MALRD1: variants seen among roughly 807,000 people sequenced by gnomAD.
MALRD1 encodes MAM and LDL receptor class A domain containing 1, also known as MAM and LDL-receptor class A domain-containing protein 1.
In MALRD1, 247 loss-of-function variants were observed where a neutral mutation model predicts 242.1. The ratio of observed to expected loss-of-function variants is 1.02; its 90% CI spans 0.92 to 1.13. The LOEUF (loss-of-function observed/expected upper bound fraction) is 1.13. MALRD1 is among the 50% of genes most tolerant of loss of function. The pLI, the probability that MALRD1 is intolerant of heterozygous loss-of-function variation, is 0.00. For missense variants in MALRD1, 2,989 were observed against 2,533.1 expected, an observed-to-expected ratio of 1.18 and a Z score of -3.86; for synonymous variants, 995 against 866.6, an observed-to-expected ratio of 1.15 and a Z score of -2.60.
Position 19,434,041 on chromosome 10 carries a change from G to A in MALRD1, c.4846-16266G>A, listed in dbSNP as rs536887810. ...AGAGAAAGACTGGTATGGTAAAAAC[G>A]AAAATGATTACTAAGTATGCTTTCT... On this transcript the variant is annotated intron_variant, in intron 28 of 39. Coordinates refer to ENST00000454679, the MANE Select transcript of MALRD1 (RefSeq NM_001142308.3). Among the ~76,000 whole-genome samples the A allele has an allele frequency of 5.9e-5, 9 of 152,148 alleles. No individual in the cohort carries two copies. In the East Asian group the frequency reaches 1.5e-3, roughly 26 times the overall value.
intron 32 of MALRD1, among the ~76,000 whole-genome samples, chr10:19,531,608 A>G (rs1310746524): frequency 6.6e-6 from 1 of 152,154 alleles, no homozygotes; most frequent in Non-Finnish European, 1.5e-5. Flanking sequence ...TTATCTGGAG[A>G]TAAAAGAGTT....
At chr10:19,425,737 C>G (rs933125473) in intron 28 of MALRD1, among the ~76,000 whole-genome samples, 2 of 152,132 alleles carry the variant, frequency 1.3e-5, no homozygotes, top group Non-Finnish European at 2.9e-5. Flanking sequence ...GACTCCATTT[C>G]TTGATAGAAC....
chr10:19,047,375 T>C (rs1449999498), upstream of MALRD1, among the ~76,000 whole-genome samples: 1 of 151,840 alleles, frequency 6.6e-6, no homozygotes. Context: ...TGTGTGTGTG[T>C]GTGTGTGTGT....
Position 19,209,462 on chromosome 10 carries a change from A to C in MALRD1, c.2773A>C (p.Ser925Arg). The change falls in exon 18 of 40, where the codon AGT (serine) becomes CGT (arginine). Residue 925 changes from serine to arginine, a missense_variant. Physicochemically the swap from Ser to Arg is moderately radical, Grantham distance 110 (BLOSUM62 -1). Coordinates refer to ENST00000454679, the MANE Select transcript of MALRD1 (RefSeq NM_001142308.3). Reference protein sequence around the residue: ...ESSEPQAFQDSAALLSPILNA... With the variant: ...ESSEPQAFQDRAALLSPILNA... ...TTCAGAGCCACAGGCTTTTCAAGACAGTGCTGCCTTACTCAGCCCAATCCT... is the reference window on the plus strand; with the variant it reads ...TTCAGAGCCACAGGCTTTTCAAGACCGTGCTGCCTTACTCAGCCCAATCCT... 1 of 1,550,914 alleles carries C rather than the reference A, an allele frequency of 6.4e-7. No individual in the cohort carries two copies. The highest frequency in any genetic ancestry group is 8.7e-7 in the Non-Finnish European group (1 of 1,147,050).
At chr10:19,382,645 C>T (rs1845888021) in intron 26 of MALRD1, among the ~76,000 whole-genome samples, 1 of 151,974 alleles carries the variant, frequency 6.6e-6, no homozygotes, top group South Asian at 2.1e-4. Flanking sequence ...GGTCTTGATC[C>T]GGGCTTTCTT....
intron 21 of MALRD1, among the ~76,000 whole-genome samples, chr10:19,313,403 A>G (rs1044621468): frequency 6.6e-6 from 1 of 151,492 alleles, no homozygotes; most frequent in Non-Finnish European, 1.5e-5. Context: ...ATTTTCATAC[A>G]TCTCAGATGT....
chr10:19,329,390 A>G (rs1843266275), intron 23 of MALRD1, among the ~76,000 whole-genome samples: 1 of 145,128 alleles, frequency 6.9e-6, no homozygotes, highest in Non-Finnish European at 1.5e-5. Flanking sequence ...ATCACTGGGA[A>G]GCTTGTATAA....
At chr10:19,283,924 C>T (rs1253960993) in intron 21 of MALRD1, among the ~76,000 whole-genome samples, 3 of 152,272 alleles carry the variant, frequency 2.0e-5, no homozygotes, top group Non-Finnish European at 4.4e-5. Flanking sequence ...TCCTTGCTCT[C>T]ATTAGGGAGA....
intron 19 of MALRD1, among the ~76,000 whole-genome samples, chr10:19,276,296 T>TTA (rs10602550): frequency 8.2e-4 from 124 of 151,040 alleles, no homozygotes; most frequent in East Asian, 7.8e-3. Flanking sequence ...TGCATTTTAA[T>TTA]TATATATATA....
At chr10:19,177,922 G>T (rs1273386112) in intron 14 of MALRD1, among the ~76,000 whole-genome samples, 1 of 152,054 alleles carries the variant, frequency 6.6e-6, no homozygotes, top group Admixed American at 6.5e-5. Flanking sequence ...AGATAAGCCA[G>T]ATAATTTGTT....
chr10:19,692,948 A>T (rs1455955802), intron 38 of MALRD1, among the ~76,000 whole-genome samples: 1 of 150,818 alleles, frequency 6.6e-6, no homozygotes, highest in Non-Finnish European at 1.5e-5. Flanking sequence ...GTAATCCAGC[A>T]TATAAACAGA....
chr10:19,225,105 A>G (rs990796794), intron 18 of MALRD1, among the ~76,000 whole-genome samples: 1 of 152,066 alleles, frequency 6.6e-6, no homozygotes, highest in African/African-American at 2.4e-5. Flanking sequence ...ATCTTTCCCC[A>G]TTGTTTGTTT....
At chr10:19,138,535 C>T (rs2131418804) in intron 10 of MALRD1, among the ~76,000 whole-genome samples, 1 of 151,162 alleles carries the variant, frequency 6.6e-6, no homozygotes, top group Admixed American at 6.6e-5. Flanking sequence ...ATTCTCCTGT[C>T]TCGGCCTCCA....
At chr10:19,690,385 C>T (rs1842766637) in intron 36 of MALRD1, among the ~76,000 whole-genome samples, 1 of 151,802 alleles carries the variant, frequency 6.6e-6, no homozygotes, top group African/African-American at 2.4e-5. Flanking sequence ...AAGGAAGATC[C>T]CTATGAAGAT....
chr10:19,211,766 T>C (rs560804687), intron 18 of MALRD1, among the ~76,000 whole-genome samples: 36 of 147,672 alleles, frequency 2.4e-4, no homozygotes, highest in African/African-American at 8.9e-4. Context: ...TATTTTTTTC[T>C]CCATTAAATG....
At chr10:19,246,261 G>A (rs1052865420) in intron 18 of MALRD1, among the ~76,000 whole-genome samples, 5 of 152,032 alleles carry the variant, frequency 3.3e-5, no homozygotes, top group Non-Finnish European at 7.4e-5. Flanking sequence ...TTGATAACCA[G>A]CTAGCATAAA....
chr10:19,609,971 T>C (rs145802697), intron 35 of MALRD1, among the ~76,000 whole-genome samples: 8 of 152,070 alleles, frequency 5.3e-5, no homozygotes, highest in African/African-American at 1.9e-4. Context: ...ATGATGATGA[T>C]GATACAGCTT....
intron 24 of MALRD1, among the ~76,000 whole-genome samples, chr10:19,334,728 T>G (rs1843528434): frequency 6.6e-6 from 1 of 152,154 alleles, no homozygotes; most frequent in Non-Finnish European, 1.5e-5. Flanking sequence ...ATCTTTACCT[T>G]ATGAATATTT....
chr10:19,623,123 G>T (rs887760101), intron 36 of MALRD1, among the ~76,000 whole-genome samples: 1 of 151,904 alleles, frequency 6.6e-6, no homozygotes, highest in Non-Finnish European at 1.5e-5. Flanking sequence ...AAATGCAATT[G>T]CATTTGAAGA....
Sources: gnomAD v4.1 joint callset for allele counts (sites outside exome capture counted in the v4.1 genomes callset) on GRCh38, gnomAD v4.1.1 for gene constraint, MANE v1.5 for transcripts, NCBI Gene and HGNC (gene_info 2026-07-23, HGNC 2026-07-21) for gene names.